Variants in DMXL2 observed in about 807,000 individuals in gnomAD.
The protein encoded by DMXL2 is Dmx like 2.
A neutral mutation model predicts 331.1 loss-of-function variants in DMXL2; 103 were observed. That is an observed-to-expected ratio of 0.31 (90% CI 0.27 to 0.37). DMXL2 has a LOEUF of 0.37. DMXL2 is among the 10% of genes least tolerant of loss of function. DMXL2 has a pLI of 1.00. For synonymous variants in DMXL2, 1,281 were observed against 1,252.1 expected (o/e 1.02, Z -0.49); for missense variants, 3,171 against 3,642.9 (o/e 0.87, Z 3.33).
chr15:51,495,184 C>A, intron 18 of DMXL2, 50 bp from the exon 19 acceptor site: 1 of 1,153,852 alleles, frequency 8.7e-7, no homozygotes, highest in East Asian at 2.4e-5. Flanking sequence ...TGCAAGAGGC[C>A]ACAAACTGAT....
rs144140723 is a variant in DMXL2 at position 51,587,258 on chromosome 15, G to A, written c.88-11077C>T. Among the ~76,000 whole-genome samples, 1,457 of 152,292 alleles carry A rather than the reference G, an allele frequency of 9.6e-3. 12 individuals are homozygous for A. The highest frequency in any genetic ancestry group is 0.02 in the Middle Eastern group (6 of 294). On this transcript the variant is annotated intron_variant, in intron 1 of 43. Transcript: ENST00000560891. ...ATGTATACATGTGCCATGTTGGTGT[G>A]CTGCACCCATTAACTCATCATTTAG...
Position 51,524,292 on chromosome 15 carries a change from C to G in DMXL2, c.2437-7125G>C, listed in dbSNP as rs1052363051. 3.3e-5 allele frequency among the ~76,000 whole-genome samples: 5 copies of G among 152,084 alleles called. No individual in the cohort carries two copies. The East Asian group carries it at 9.6e-4, about 29-fold the overall frequency. The stretch of plus-strand genomic sequence containing the variant: ...CTAGGTTTGTTAATTTTCTTGATTC[C>G]TCAACTTGATAAAGAGTATCTACAA... On this transcript the variant is annotated intron_variant, in intron 13 of 43. Transcript: ENST00000560891.
chr15:51,469,454 TTGTTAA>T (rs1040361933), intron 29 of DMXL2, among the ~76,000 whole-genome samples: 8 of 152,330 alleles, frequency 5.3e-5, no homozygotes, highest in African/African-American at 1.9e-4. Flanking sequence ...ACTGTTTACC[TTGTTAA>T]TGTTAACAGA....
At chr15:51,458,882 A>T in intron 34 of DMXL2, 87 bp from the exon 35 acceptor site, 1 of 1,153,896 alleles carries the variant, frequency 8.7e-7, no homozygotes, top group Non-Finnish European at 1.2e-6. Context: ...AATGTAGGAT[A>T]AGAAGAAAAT....
intron 21 of DMXL2, 80 bp downstream of exon 21, chr15:51,488,468 T>C (rs2042559316): frequency 7.9e-7 from 1 of 1,257,914 alleles, no homozygotes; most frequent in Non-Finnish European, 1.1e-6. Context: ...TATACCTAAT[T>C]ATTTTCAAAA....
chr15:51,569,586 C>T (rs1048797442), intron 2 of DMXL2, among the ~76,000 whole-genome samples: 3 of 152,234 alleles, frequency 2.0e-5, no homozygotes, highest in South Asian at 2.1e-4. Flanking sequence ...GAGCTCTGCC[C>T]GGCATCTGGC....
chr15:51,580,045 C>T (rs1026162611), intron 1 of DMXL2, among the ~76,000 whole-genome samples: 1 of 152,156 alleles, frequency 6.6e-6, no homozygotes, highest in Non-Finnish European at 1.5e-5. Context: ...CCATGAAGAT[C>T]CTGTTGGTGC....
In DMXL2 at chr15:51,547,957, T is replaced by A. The variant is rs74381110; in HGVS notation, c.568-549A>T. 3.7e-3 allele frequency among the ~76,000 whole-genome samples: 570 copies of A among 152,202 alleles called. 3 individuals are homozygous for A. The highest frequency in any genetic ancestry group is 0.013 in the African/African-American group (549 of 41,556). On this transcript the variant is annotated intron_variant, in intron 6 of 43. Transcript: ENST00000560891. Reference sequence around the variant, plus strand: ...GATTCTTCTTTTTTTCTTACATCCCTTTAAAAAGGTAAAAAACATTCTTAG... The same window carrying A: ...GATTCTTCTTTTTTTCTTACATCCCATTAAAAAGGTAAAAAACATTCTTAG...
chr15:51,574,353 A>G (rs1240329215), intron 2 of DMXL2, among the ~76,000 whole-genome samples: 1 of 152,242 alleles, frequency 6.6e-6, no homozygotes, highest in Non-Finnish European at 1.5e-5. Context: ...TACAGGGAAT[A>G]GACCAAAAAC....
intron 1 of DMXL2, among the ~76,000 whole-genome samples, chr15:51,597,287 C>T (rs546995114): frequency 3.3e-5 from 5 of 152,246 alleles, no homozygotes; most frequent in South Asian, 4.1e-4. Context: ...TACACTTCTC[C>T]GTCTCAAGCA....
At chr15:51,516,458 G>C (rs1244040655) in intron 14 of DMXL2, among the ~76,000 whole-genome samples, 1 of 152,168 alleles carries the variant, frequency 6.6e-6, no homozygotes, top group Non-Finnish European at 1.5e-5. Context: ...CTGAAACTGA[G>C]GTTACCCTCT....
At position 51,474,983 on chromosome 15, in the gene DMXL2, A is replaced by G. The variant is rs2041446105; in HGVS notation, c.6965-391T>C. ...AAGTATAATATTTTACACAGTCTCA[A>G]ACTAACTCTTCACAAGATACTGATT... On this transcript the variant is annotated intron_variant, in intron 27 of 43. Coordinates refer to ENST00000560891, the MANE Select transcript of DMXL2 (RefSeq NM_001378457.1). Among the ~76,000 whole-genome samples the G allele has an allele frequency of 2.0e-5, 3 of 152,186 alleles. No homozygotes were observed. In the South Asian group the frequency reaches 6.2e-4, roughly 31 times the overall value.
In DMXL2 at chr15:51,448,055, T is replaced by A. The variant is rs1210101920; in HGVS notation, c.*929A>T. ...GGCTAATATTTTACAAGCAAATATT[T>A]AACTCTGCATAGTTTATACAATAGG... On this transcript the variant is annotated 3_prime_UTR_variant, in exon 44 of 44. Coordinates refer to ENST00000560891, the MANE Select transcript of DMXL2 (RefSeq NM_001378457.1). The A allele has an allele frequency of 6.6e-6, 1 of 152,662 alleles. No individual in the cohort carries two copies. The highest frequency in any genetic ancestry group is 2.4e-5 in the African/African-American group (1 of 41,460). 9.5% of individuals were successfully genotyped at this position (152,662 alleles called of 1,614,324 possible).
In DMXL2 at chr15:51,500,061, T is replaced by G; in HGVS notation, c.3163A>C (p.Asn1055His). 6.2e-7 allele frequency: 1 copy of G among 1,614,178 alleles called. No homozygotes were observed. The highest frequency in any genetic ancestry group is 8.5e-7 in the Non-Finnish European group (1 of 1,180,020). ...IYHWKRWPLM[N>H]DEGEDNSSTV... ...CTGCTATTATCTTCTCCTTCATCAT[T>G]CATCAAAGGCCATCTCTTCCAATGA... The change falls in exon 18 of 44, where the codon AAT (asparagine) becomes CAT (histidine). Residue 1055 changes from asparagine to histidine, a missense_variant. Physicochemically the swap from Asn to His is moderately conservative, Grantham distance 68. Coordinates refer to ENST00000560891, the MANE Select transcript of DMXL2 (RefSeq NM_001378457.1).
intron 6 of DMXL2, 54 bp from the exon 7 acceptor site, chr15:51,547,462 T>C: frequency 2.3e-6 from 3 of 1,318,362 alleles, no homozygotes; most frequent in Non-Finnish European, 3.0e-6. Flanking sequence ...CAATTCAAAA[T>C]TTAAGTGGTT....
At chr15:51,498,471 T>C in intron 18 of DMXL2, 81 bp downstream of exon 18, 1 of 1,395,042 alleles carries the variant, frequency 7.2e-7, no homozygotes, top group Non-Finnish European at 9.7e-7. Flanking sequence ...GAGACTGCAA[T>C]TCAGTAAATG....
At chr15:51,554,338 T>C (rs1006323004) in intron 6 of DMXL2, among the ~76,000 whole-genome samples, 7 of 152,244 alleles carry the variant, frequency 4.6e-5, no homozygotes, top group Non-Finnish European at 5.9e-5. Flanking sequence ...TGTGAGTTTT[T>C]TCAGTCAAAT....
intron 6 of DMXL2, 37 bp downstream of exon 6, chr15:51,563,340 TTTTA>T (rs1296924249): frequency 8.3e-6 from 12 of 1,451,908 alleles, no homozygotes; most frequent in African/African-American, 2.9e-5. Flanking sequence ...TTTTAAATTC[TTTTA>T]TTTGTTTATT....
intron 1 of DMXL2, among the ~76,000 whole-genome samples, chr15:51,577,888 G>A (rs191205295): frequency 3.9e-5 from 6 of 152,206 alleles, no homozygotes; most frequent in Admixed American, 3.9e-4. Context: ...TTGTCTCTTA[G>A]GATACTTGTG....
Sources: gnomAD v4.1 joint callset for allele counts (sites outside exome capture counted in the v4.1 genomes callset) on GRCh38, gnomAD v4.1.1 for gene constraint, MANE v1.5 for transcripts, NCBI Gene and HGNC (gene_info 2026-07-23, HGNC 2026-07-21) for gene names.